Variants in FAF2 observed in about 807,000 individuals in gnomAD.
The protein encoded by FAF2 is FAS-associated factor 2.
A neutral mutation model predicts 62.3 loss-of-function variants in FAF2; 9 were observed. That is an observed-to-expected ratio of 0.14 (90% CI 0.09 to 0.25). FAF2 has a LOEUF of 0.25. FAF2 is among the 10% of genes least tolerant of loss of function. The pLI, the probability that FAF2 is intolerant of heterozygous loss-of-function variation, is 1.00. For missense variants in FAF2, 368 were observed against 556.2 expected (o/e 0.66, Z 3.40); for synonymous variants, 202 against 198.0 (o/e 1.02, Z -0.17).
At chr5:176,489,679 A>G (rs1030583669) in intron 4 of FAF2, among the ~76,000 whole-genome samples, 1 of 152,116 alleles carries the variant, frequency 6.6e-6, no homozygotes, top group Non-Finnish European at 1.5e-5. Context: ...CTGGGATTAC[A>G]AGCATGCGCC....
intron 10 of FAF2, among the ~76,000 whole-genome samples, chr5:176,502,154 C>G (rs576834517): frequency 6.6e-6 from 1 of 152,334 alleles, no homozygotes; most frequent in South Asian, 2.1e-4. Flanking sequence ...TAATTTCCTT[C>G]CCCTGGTGTC....
chr5:176,495,353 TC>T (rs1373596069), intron 7 of FAF2, among the ~76,000 whole-genome samples: 2 of 152,184 alleles, frequency 1.3e-5, no homozygotes, highest in Non-Finnish European at 2.9e-5. Flanking sequence ...GTTTTGCCAT[TC>T]TAATATGGCT....
In FAF2 at chr5:176,510,033, G is replaced by A. The variant is rs1216794741; in HGVS notation, c.*3083G>A. 1 of 152,594 alleles carries A rather than the reference G, an allele frequency of 6.6e-6. No homozygotes were observed. Among genetic ancestry groups the A allele is most frequent in the Non-Finnish European group, 1.5e-5 (1 of 68,042 alleles). 9.5% of individuals were successfully genotyped at this position (152,594 alleles called of 1,614,324 possible). On this transcript the variant is annotated 3_prime_UTR_variant, in exon 11 of 11. Transcript: ENST00000261942. ...AATTTTTTTCATAAAAGTTTACATT[G>A]TATTGTAGGTTAACATTAAATGTTT...
At chr5:176,483,122 T>C (rs1758810835) in intron 2 of FAF2, among the ~76,000 whole-genome samples, 1 of 152,074 alleles carries the variant, frequency 6.6e-6, no homozygotes, top group Non-Finnish European at 1.5e-5. Context: ...AGTGGCCTGA[T>C]CATAGCTCAC....
intron 1 of FAF2, among the ~76,000 whole-genome samples, chr5:176,469,932 G>C (rs1198052663): frequency 2.0e-5 from 3 of 152,120 alleles, no homozygotes; most frequent in Non-Finnish European, 4.4e-5. Context: ...AATAGAGAAG[G>C]CTCCTCAAAC....
chr5:176,458,082 C>G (rs1386049662), intron 1 of FAF2, among the ~76,000 whole-genome samples: 1 of 147,006 alleles, frequency 6.8e-6, no homozygotes, highest in Non-Finnish European at 1.5e-5. Context: ...TTTCACTCCT[C>G]TTCTCCCTTC....
intron 4 of FAF2, 140 bp downstream of exon 4, chr5:176,489,167 A>G (rs563648661): frequency 2.0e-4 from 114 of 579,182 alleles, no homozygotes; most frequent in African/African-American, 1.9e-3. Flanking sequence ...ACTGTCTTTT[A>G]ATACAACATA....
intron 4 of FAF2, among the ~76,000 whole-genome samples, chr5:176,490,354 A>T (rs1758953194): frequency 6.6e-6 from 1 of 152,014 alleles, no homozygotes; most frequent in East Asian, 1.9e-4. Flanking sequence ...GTGGGGCACA[A>T]CTTCTTAGCA....
intron 10 of FAF2, among the ~76,000 whole-genome samples, chr5:176,501,903 G>A (rs1006465844): frequency 7.2e-5 from 11 of 152,044 alleles, no homozygotes; most frequent in Non-Finnish European, 1.2e-4. Context: ...ACAGGAAGCC[G>A]CCACCATGCC....
At chr5:176,454,980 C>G (rs1335504832) in intron 1 of FAF2, among the ~76,000 whole-genome samples, 1 of 152,068 alleles carries the variant, frequency 6.6e-6, no homozygotes, top group Non-Finnish European at 1.5e-5. Flanking sequence ...TAATTAAACA[C>G]TACATAAACC....
chr5:176,479,331 T>C, intron 2 of FAF2, 75 bp downstream of exon 2: 1 of 1,196,046 alleles, frequency 8.4e-7, no homozygotes, highest in South Asian at 1.3e-5. Flanking sequence ...TGTTTTTCCA[T>C]AGCAGGAATC....
intron 1 of FAF2, among the ~76,000 whole-genome samples, chr5:176,454,193 G>A: frequency 6.6e-6 from 1 of 151,642 alleles, no homozygotes; most frequent in Non-Finnish European, 1.5e-5. Flanking sequence ...AGGAGTTCGA[G>A]ACCAGCCTGA....
intron 10 of FAF2, 30 bp from the exon 11 acceptor site, chr5:176,506,738 C>T (rs915499214): frequency 2.5e-6 from 4 of 1,591,180 alleles, no homozygotes; most frequent in Non-Finnish European, 1.7e-6. Context: ...TTTTTCTCAC[C>T]ACCCTTCTTT....
chr5:176,492,406 C>CCTG, intron 5 of FAF2, 74 bp downstream of exon 5: 1 of 1,451,744 alleles, frequency 6.9e-7, no homozygotes, highest in Non-Finnish European at 9.2e-7. Flanking sequence ...CAGCCCAGCA[C>CCTG]TGATCATGTC....
chr5:176,482,884 T>C (rs1343015741), intron 2 of FAF2, among the ~76,000 whole-genome samples: 1 of 147,790 alleles, frequency 6.8e-6, no homozygotes, highest in African/African-American at 2.5e-5. Context: ...CTCTTGATAG[T>C]GGTTTGTGGT....
intron 1 of FAF2, among the ~76,000 whole-genome samples, chr5:176,468,440 CG>C (rs1561818392): frequency 6.6e-6 from 1 of 151,974 alleles, no homozygotes. Context: ...AAAAATTAGG[CG>C]GGCGTGGTCG....
chr5:176,496,748 T>A, intron 8 of FAF2, 85 bp downstream of exon 8: 2 of 1,055,532 alleles, frequency 1.9e-6, no homozygotes, highest in East Asian at 2.7e-5. Context: ...AATCCTGACT[T>A]CTTCTGTGCA....
chr5:176,484,300 A>G (rs182098803), intron 2 of FAF2, among the ~76,000 whole-genome samples: 1 of 152,316 alleles, frequency 6.6e-6, no homozygotes, highest in East Asian at 1.9e-4. Context: ...GATTCCAGAA[A>G]TAAACAATTC....
chr5:176,486,247 T>G, intron 2 of FAF2, 108 bp from the exon 3 acceptor site: 3 of 1,382,914 alleles, frequency 2.2e-6, no homozygotes, highest in Non-Finnish European at 2.0e-6. Flanking sequence ...CCTTTTGGTG[T>G]ATTCATGACC....
Sources: gnomAD v4.1 joint callset for allele counts (sites outside exome capture counted in the v4.1 genomes callset) on GRCh38, gnomAD v4.1.1 for gene constraint, MANE v1.5 for transcripts, NCBI Gene and HGNC (gene_info 2026-07-23, HGNC 2026-07-21) for gene names.